Variants in GPHN observed in about 807,000 individuals in gnomAD.
GPHN encodes gephyrin.
GPHN carries 17 observed loss-of-function variants against 95.5 expected under a neutral mutation model. That is an observed-to-expected ratio of 0.18 (90% CI 0.12 to 0.27). GPHN has a LOEUF of 0.27. Among genes scored for constraint, GPHN ranks in the 10% least tolerant of loss-of-function variants. The pLI is 1.00. For synonymous variants in GPHN, 320 were observed against 322.5 expected, an observed-to-expected ratio of 0.99 and a Z score of 0.08; for missense variants, 660 against 978.1, an observed-to-expected ratio of 0.67 and a Z score of 4.34.
chr14:66,654,303 A>G (rs1441302144), intron 1 of GPHN, among the ~76,000 whole-genome samples: 1 of 152,006 alleles, frequency 6.6e-6, no homozygotes. Flanking sequence ...AGGTTTCAGC[A>G]TCTATGGTCT....
chr14:67,659,709 A>C, the GPHN span: 1 of 1,570,570 alleles, frequency 6.4e-7, no homozygotes, highest in Admixed American at 2.0e-5. Flanking sequence ...AAAAAAAAAC[A>C]AACAAAACAG....
chr14:67,616,216 CTT>C, the GPHN span: 98 of 174,206 alleles, frequency 5.6e-4, no homozygotes, highest in Middle Eastern at 2.8e-3. Flanking sequence ...TGTACACTGT[CTT>C]TTTTTTTTTT....
chr14:67,562,699 C>G, the GPHN span: 5 of 1,612,772 alleles, frequency 3.1e-6, no homozygotes, highest in Non-Finnish European at 4.2e-6. Flanking sequence ...TCTCAGCCCT[C>G]CACCCCTCTG....
At chr14:67,446,255 G>C in the GPHN span, among the ~76,000 whole-genome samples, 1 of 152,180 alleles carries the variant, frequency 6.6e-6, no homozygotes, top group Non-Finnish European at 1.5e-5. Flanking sequence ...GATTGCTTAG[G>C]TCCACCTGCC....
the GPHN span, among the ~76,000 whole-genome samples, chr14:67,201,985 C>T: frequency 1.3e-5 from 2 of 152,132 alleles, no homozygotes; most frequent in African/African-American, 2.4e-5. Context: ...CCTCTCCTCT[C>T]AACCCAGCCA....
At chr14:66,939,116 T>C (rs2067271103) in intron 8 of GPHN, among the ~76,000 whole-genome samples, 1 of 152,172 alleles carries the variant, frequency 6.6e-6, no homozygotes, top group East Asian at 1.9e-4. Context: ...GACATTGGAT[T>C]TGGCAGTGAT....
At chr14:67,365,625 T>G in the GPHN span, among the ~76,000 whole-genome samples, 1 of 152,218 alleles carries the variant, frequency 6.6e-6, no homozygotes, top group Non-Finnish European at 1.5e-5. Context: ...ATCATCACCT[T>G]TGTGAATACT....
At chr14:66,576,530 T>C (rs1005832820) in intron 1 of GPHN, among the ~76,000 whole-genome samples, 3 of 151,998 alleles carry the variant, frequency 2.0e-5, no homozygotes, top group Non-Finnish European at 4.4e-5. Context: ...GCCAATAATA[T>C]CTCTAATAAC....
chr14:66,811,546 CAA>C (rs778914403), intron 3 of GPHN, among the ~76,000 whole-genome samples: 1,912 of 86,982 alleles, frequency 0.022, 18 homozygotes, highest in Middle Eastern at 0.033. Flanking sequence ...TTACATTCAG[CAA>C]AAAAAAAAAA....
At chr14:67,375,556 A>G in the GPHN span, among the ~76,000 whole-genome samples, 2 of 151,840 alleles carry the variant, frequency 1.3e-5, no homozygotes, top group African/African-American at 4.8e-5. Context: ...TTCAATGAAG[A>G]GATTTTAAAA....
intron 12 of GPHN, among the ~76,000 whole-genome samples, chr14:67,096,732 A>G (rs1158852197): frequency 3.0e-5 from 3 of 98,498 alleles, no homozygotes; most frequent in African/African-American, 1.2e-4. Flanking sequence ...TTCTCAAGCC[A>G]TCTTTGTGCC....
intron 4 of GPHN, among the ~76,000 whole-genome samples, chr14:66,861,279 G>C (rs1346999807): frequency 1.3e-5 from 2 of 151,962 alleles, no homozygotes; most frequent in African/African-American, 4.8e-5. Flanking sequence ...AAGAGACAAA[G>C]TCATTATATA....
At chr14:67,393,967 C>T in the GPHN span, among the ~76,000 whole-genome samples, 27 of 152,148 alleles carry the variant, frequency 1.8e-4, no homozygotes, top group Non-Finnish European at 2.9e-4. Context: ...CCAGCAGGGA[C>T]ATCACTTCTG....
chr14:67,478,287 C>T, the GPHN span, among the ~76,000 whole-genome samples: 4 of 152,186 alleles, frequency 2.6e-5, no homozygotes, highest in South Asian at 4.1e-4. Flanking sequence ...TAAGCCATGC[C>T]CACCATCATC....
At chr14:67,325,106 C>A in the GPHN span, among the ~76,000 whole-genome samples, 2 of 151,774 alleles carry the variant, frequency 1.3e-5, no homozygotes, top group South Asian at 4.2e-4. Flanking sequence ...AGGATTTCAC[C>A]ATGTTAGCCA....
At chr14:67,122,550 G>C (rs962560078) in intron 17 of GPHN, among the ~76,000 whole-genome samples, 173 bp downstream of exon 17, 1 of 152,294 alleles carries the variant, frequency 6.6e-6, no homozygotes, top group Middle Eastern at 3.4e-3. Context: ...TAGAGATAAA[G>C]ATTTCTTGGA....
chr14:67,094,705 C>T (rs917899147), intron 12 of GPHN, among the ~76,000 whole-genome samples: 6 of 152,154 alleles, frequency 3.9e-5, no homozygotes, highest in Admixed American at 6.6e-5. Context: ...TATAGCCATG[C>T]ACCACATTAG....
chr14:67,606,507 A>G, the GPHN span, among the ~76,000 whole-genome samples: 4 of 152,238 alleles, frequency 2.6e-5, no homozygotes. Flanking sequence ...TTAGACCATA[A>G]CACCCTCAGC....
chr14:66,664,516 C>A (rs1661765359), intron 1 of GPHN, among the ~76,000 whole-genome samples: 1 of 152,014 alleles, frequency 6.6e-6, no homozygotes, highest in African/African-American at 2.4e-5. Flanking sequence ...AGTAAATGCC[C>A]ACATCAGAAA....
Sources: allele counts gnomAD v4.1 joint callset (sites outside exome capture counted in the v4.1 genomes callset), GRCh38; gene constraint gnomAD v4.1.1; transcripts MANE v1.5; gene names NCBI Gene and HGNC (gene_info 2026-07-23, HGNC 2026-07-21).